Variants in EVC2 observed in about 807,000 individuals in gnomAD.
EVC2 encodes the protein limbin.
A neutral mutation model predicts 149.3 loss-of-function variants in EVC2; 148 were observed. The ratio of observed to expected loss-of-function variants is 0.99; its 90% CI spans 0.87 to 1.14. EVC2 has a LOEUF of 1.14. Ranked by LOEUF, EVC2 falls within the 50% of genes most tolerant of loss-of-function variation. The pLI, the probability that EVC2 is intolerant of heterozygous loss-of-function variation, is 0.00. For synonymous variants in EVC2, 776 were observed against 649.9 expected (o/e 1.19, Z -2.95); for missense variants, 1,854 against 1,627.3 (o/e 1.14, Z -2.40).
intron 16 of EVC2, among the ~76,000 whole-genome samples, chr4:5,610,389 G>A (rs370681307): frequency 1.3e-5 from 2 of 152,154 alleles, no homozygotes; most frequent in East Asian, 3.9e-4. Context: ...TAGGAAGGGA[G>A]GTAAGTTCTT....
chr4:5,703,384 T>C (rs1721949861), intron 1 of EVC2, among the ~76,000 whole-genome samples: 1 of 152,186 alleles, frequency 6.6e-6, no homozygotes, highest in African/African-American at 2.4e-5. Context: ...GAGCACCAAC[T>C]TCAGGAGAAT....
the EVC2 span, among the ~76,000 whole-genome samples, chr4:5,530,480 ACAGT>A: frequency 0.1 from 15,718 of 152,178 alleles, 890 homozygotes; most frequent in South Asian, 0.24. Flanking sequence ...AATGACAACT[ACAGT>A]CAAACAAACT....
intron 21 of EVC2, among the ~76,000 whole-genome samples, chr4:5,553,990 T>C (rs764964117): frequency 3.9e-5 from 6 of 152,206 alleles, no homozygotes; most frequent in African/African-American, 1.2e-4. Context: ...AGTGACGACA[T>C]TGCAACAACA....
chr4:5,540,243 G>A (rs61494408), downstream of EVC2, among the ~76,000 whole-genome samples: 1,346 of 152,314 alleles, frequency 8.8e-3, 15 homozygotes, highest in African/African-American at 0.029. Context: ...GGACTGTAAC[G>A]TGGTGCAAAC....
At chr4:5,533,687 T>A in the EVC2 span, among the ~76,000 whole-genome samples, 1 of 152,104 alleles carries the variant, frequency 6.6e-6, no homozygotes, top group Admixed American at 6.6e-5. Context: ...TCTGCCAGAG[T>A]TCGTTTGCTG....
chr4:5,616,428 C>CA (rs113137679), intron 15 of EVC2, among the ~76,000 whole-genome samples: 27,399 of 151,992 alleles, frequency 0.18, 5,798 homozygotes, highest in African/African-American at 0.51. Flanking sequence ...TGAGGTCAAA[C>CA]GTAGACACTA....
intron 16 of EVC2, among the ~76,000 whole-genome samples, chr4:5,602,291 TAAAAAA>T (rs571933194): frequency 2.4e-5 from 2 of 81,714 alleles, no homozygotes; most frequent in African/African-American, 1.0e-4. Flanking sequence ...CATTGCCTCT[TAAAAAA>T]AAAAAAAAAA....
At chr4:5,602,563 G>A (rs1424762857) in intron 16 of EVC2, among the ~76,000 whole-genome samples, 1 of 150,918 alleles carries the variant, frequency 6.6e-6, no homozygotes, top group East Asian at 2.0e-4. Context: ...AGAAGAAAGA[G>A]AGTAAAATAG....
At chr4:5,650,235 C>T (rs1718009087) in intron 9 of EVC2, among the ~76,000 whole-genome samples, 1 of 152,100 alleles carries the variant, frequency 6.6e-6, no homozygotes. Context: ...ACTCCACCCA[C>T]TGGCCAGACT....
chr4:5,555,920 C>T (rs1214247887), intron 21 of EVC2, among the ~76,000 whole-genome samples: 1 of 152,102 alleles, frequency 6.6e-6, no homozygotes, highest in Non-Finnish European at 1.5e-5. Flanking sequence ...TGGCTCATTC[C>T]TGTAATCCCA....
chr4:5,695,640 C>T (rs887871922), intron 2 of EVC2, among the ~76,000 whole-genome samples: 4 of 152,232 alleles, frequency 2.6e-5, no homozygotes, highest in Non-Finnish European at 5.9e-5. Flanking sequence ...TCAAATGCCA[C>T]ACTGCACATG....
chr4:5,688,810 T>C (rs1720900879), intron 5 of EVC2, among the ~76,000 whole-genome samples: 1 of 152,232 alleles, frequency 6.6e-6, no homozygotes, highest in South Asian at 2.1e-4. Context: ...ATTTTGGTGA[T>C]CTGAGTGACA....
At chr4:5,628,049 A>G (rs1431396680) in intron 12 of EVC2, among the ~76,000 whole-genome samples, 1 of 152,196 alleles carries the variant, frequency 6.6e-6, no homozygotes, top group African/African-American at 2.4e-5. Context: ...TGCTTTTAAA[A>G]TTCTGTAACA....
At chr4:5,572,022 G>A (rs530614737) in intron 19 of EVC2, among the ~76,000 whole-genome samples, 16 of 152,262 alleles carry the variant, frequency 1.1e-4, no homozygotes, top group African/African-American at 3.1e-4. Context: ...TGGACTCATC[G>A]GCCTCCACAA....
At chr4:5,645,512 T>C (rs1717648783) in intron 9 of EVC2, among the ~76,000 whole-genome samples, 1 of 152,004 alleles carries the variant, frequency 6.6e-6, no homozygotes, top group Non-Finnish European at 1.5e-5. Flanking sequence ...ATACGCGGTG[T>C]TTGGTTTTCT....
chr4:5,566,512 GATTA>G (rs1210220335), intron 20 of EVC2, among the ~76,000 whole-genome samples: 1 of 152,164 alleles, frequency 6.6e-6, no homozygotes, highest in Non-Finnish European at 1.5e-5. Flanking sequence ...TTCTTGCTTG[GATTA>G]ATTATTCAGT....
At chr4:5,564,298 A>C (rs1018784337) in intron 21 of EVC2, among the ~76,000 whole-genome samples, 1 of 152,120 alleles carries the variant, frequency 6.6e-6, no homozygotes, top group Non-Finnish European at 1.5e-5. Context: ...ATCTGTATCC[A>C]CTCCACTTCT....
chr4:5,619,702 A>G (rs1477557990), intron 14 of EVC2, among the ~76,000 whole-genome samples: 1 of 152,226 alleles, frequency 6.6e-6, no homozygotes, highest in African/African-American at 2.4e-5. Context: ...GAAATGGATG[A>G]ACAGTCCCTC....
At chr4:5,596,037 C>G (rs1269900015) in intron 16 of EVC2, among the ~76,000 whole-genome samples, 1 of 152,180 alleles carries the variant, frequency 6.6e-6, no homozygotes, top group East Asian at 1.9e-4. Context: ...AATATATATG[C>G]ACCCAATACT....
Sources: allele counts gnomAD v4.1 joint callset (sites outside exome capture counted in the v4.1 genomes callset), GRCh38; gene constraint gnomAD v4.1.1; transcripts MANE v1.5; gene names NCBI Gene and HGNC (gene_info 2026-07-23, HGNC 2026-07-21).